SYNE2: variants seen among roughly 807,000 people sequenced by gnomAD.
SYNE2 encodes nesprin-2.
A neutral mutation model predicts 856.3 loss-of-function variants in SYNE2; 431 were observed. The observed-to-expected ratio is 0.50, with a 90% CI of 0.47 to 0.55. The LOEUF (loss-of-function observed/expected upper bound fraction) is 0.55, where lower values mean the gene tolerates loss of function less well. SYNE2 is among the 20% of genes least tolerant of loss of function. The pLI, the probability that SYNE2 is intolerant of heterozygous loss-of-function variation, is 0.00. For missense variants in SYNE2, 8,129 were observed against 8,023.2 expected, an observed-to-expected ratio of 1.01 and a Z score of -0.50; for synonymous variants, 2,923 against 2,872.3, an observed-to-expected ratio of 1.02 and a Z score of -0.56.
chr14:64,089,369 G>GAAAAAAAAAAAA (rs57358817), intron 58 of SYNE2, among the ~76,000 whole-genome samples: 6 of 50,474 alleles, frequency 1.2e-4, no homozygotes, highest in South Asian at 1.2e-3. Flanking sequence ...TCCGTCTCAG[G>GAAAAAAAAAAAA]AAAAAAAAAA....
intron 2 of SYNE2, among the ~76,000 whole-genome samples, chr14:63,918,400 G>T (rs900523336): frequency 1.3e-5 from 2 of 151,926 alleles, no homozygotes; most frequent in African/African-American, 4.9e-5. Context: ...TTGGTAAAAG[G>T]TAACTGCATT....
chr14:63,805,157 G>C (rs1055929878), intron 1 of SYNE2, among the ~76,000 whole-genome samples: 1 of 152,212 alleles, frequency 6.6e-6, no homozygotes, highest in East Asian at 1.9e-4. Context: ...AAGTTGGATA[G>C]TGTGATGCCT....
At chr14:64,107,628 A>G in intron 65 of SYNE2, 21 bp downstream of exon 65, 1 of 1,581,588 alleles carries the variant, frequency 6.3e-7, no homozygotes, top group Non-Finnish European at 8.7e-7. Flanking sequence ...GTTGGTAATA[A>G]GTAAACTGCT....
intron 2 of SYNE2, among the ~76,000 whole-genome samples, chr14:63,927,516 T>C (rs1440121479): frequency 6.6e-6 from 1 of 152,202 alleles, no homozygotes; most frequent in African/African-American, 2.4e-5. Flanking sequence ...CTCGTGATAA[T>C]GAATAAGTCT....
At chr14:63,795,502 C>T (rs1170865513) in intron 1 of SYNE2, among the ~76,000 whole-genome samples, 3 of 152,038 alleles carry the variant, frequency 2.0e-5, no homozygotes, top group African/African-American at 7.2e-5. Context: ...ACTTAATAAA[C>T]TCCCCTTTAT....
At chr14:63,871,997 G>A (rs1896956494) in intron 1 of SYNE2, among the ~76,000 whole-genome samples, 1 of 152,112 alleles carries the variant, frequency 6.6e-6, no homozygotes, top group Non-Finnish European at 1.5e-5. Flanking sequence ...TCATGCTTAT[G>A]TGTTGCTTAA....
chr14:63,835,421 C>T (rs1306367993), intron 1 of SYNE2, among the ~76,000 whole-genome samples: 6 of 151,802 alleles, frequency 4.0e-5, no homozygotes, highest in African/African-American at 1.2e-4. Flanking sequence ...TTAGTAGAGA[C>T]GGGGTTTCAC....
chr14:64,083,601 G>T (rs1047944594), intron 57 of SYNE2, among the ~76,000 whole-genome samples: 1 of 152,154 alleles, frequency 6.6e-6, no homozygotes, highest in African/African-American at 2.4e-5. Flanking sequence ...TATGTGTCCC[G>T]ATGTGTCCTA....
intron 7 of SYNE2, among the ~76,000 whole-genome samples, chr14:63,950,915 C>T (rs1208625489): frequency 6.6e-6 from 1 of 151,848 alleles, no homozygotes; most frequent in Non-Finnish European, 1.5e-5. Context: ...CCTCCGTCTT[C>T]GAAAGTGCTG....
chr14:64,022,079 T>C, intron 37 of SYNE2, 51 bp downstream of exon 37: 2 of 1,549,510 alleles, frequency 1.3e-6, no homozygotes, highest in Non-Finnish European at 1.8e-6. Context: ...GAAGTATGAA[T>C]GTAGTACTGT....
intron 46 of SYNE2, 73 bp downstream of exon 46, chr14:64,048,228 CA>C: frequency 6.7e-7 from 1 of 1,482,274 alleles, no homozygotes; most frequent in Non-Finnish European, 9.3e-7. Context: ...TTTTAATTGC[CA>C]AAAACTTGCT....
intron 10 of SYNE2, among the ~76,000 whole-genome samples, chr14:63,966,576 C>T (rs1008425101): frequency 6.6e-6 from 1 of 151,302 alleles, no homozygotes; most frequent in Non-Finnish European, 1.5e-5. Context: ...TTTCCCCCCC[C>T]GAGACAGGAT....
intron 100 of SYNE2, among the ~76,000 whole-genome samples, chr14:64,206,704 T>C (rs550995990): frequency 6.6e-6 from 1 of 152,264 alleles, no homozygotes; most frequent in African/African-American, 2.4e-5. Flanking sequence ...TGTAGGATAA[T>C]TGCAGAGTTT....
rs1284689115 is a variant in SYNE2, at chr14:64,171,851, CTTGT to C, written c.17235+1392_17235+1395del. Among the ~76,000 whole-genome samples, 3 of 152,108 alleles carry C rather than the reference CTTGT, an allele frequency of 2.0e-5. No homozygotes were observed. In the East Asian group the frequency reaches 5.8e-4, roughly 29 times the overall value. The stretch of plus-strand genomic sequence containing the variant: ...GGAGAGGGCAGCATGACACTGTTTG[CTTGT>C]TTTTCTTTTTTTTGGGACGGAGTCT... On this transcript the variant is annotated intron_variant, in intron 94 of 115. Coordinates refer to ENST00000555002, the MANE Select transcript of SYNE2 (RefSeq NM_182914.3).
intron 31 of SYNE2, among the ~76,000 whole-genome samples, chr14:64,008,687 G>A (rs906175704): frequency 1.3e-5 from 2 of 152,136 alleles, no homozygotes; most frequent in African/African-American, 4.8e-5. Context: ...TGGTGGAATG[G>A]GTTATCCCTA....
Position 64,017,726 on chromosome 14 carries a change from A to G in SYNE2, c.5019A>G (p.Gln1673=), listed in dbSNP as rs577536564. 11 of 1,613,776 alleles carry G rather than the reference A, an allele frequency of 6.8e-6. No individual in the cohort carries two copies. In the Admixed American group the frequency reaches 1.5e-4, roughly 22 times the overall value. ...CCCTTCAAAAAATGGAATTACATCA[A>G]TTGACTGAAGAGGACAGAGAAAGGC... ...EKALQKMELH[Q]LTEEDRERLK... The change falls in exon 34 of 116, where the codon CAA becomes CAG. Residue 1673 remains glutamine (Q), a synonymous_variant. Transcript: ENST00000555002.
At chr14:64,002,605 A>G in intron 29 of SYNE2, 115 bp from the exon 30 acceptor site, 1 of 1,193,800 alleles carries the variant, frequency 8.4e-7, no homozygotes, top group South Asian at 1.6e-5. Flanking sequence ...CCTTTTGTTA[A>G]ACTCAAAAGC....
intron 1 of SYNE2, among the ~76,000 whole-genome samples, chr14:63,899,287 C>T (rs1372667367): frequency 1.3e-5 from 2 of 152,098 alleles, no homozygotes; most frequent in African/African-American, 2.4e-5. Context: ...CTGCAACCTC[C>T]GCCTCCTGGG....
intron 13 of SYNE2, among the ~76,000 whole-genome samples, chr14:63,978,402 A>C (rs924167351): frequency 1.3e-5 from 2 of 152,368 alleles, no homozygotes; most frequent in African/African-American, 2.4e-5. Context: ...TACAAACTGT[A>C]AAATACTACA....
Sources: gnomAD v4.1 joint callset for allele counts (sites outside exome capture counted in the v4.1 genomes callset) on GRCh38, gnomAD v4.1.1 for gene constraint, MANE v1.5 for transcripts, NCBI Gene and HGNC (gene_info 2026-07-23, HGNC 2026-07-21) for gene names.